The following NTRK1 variants were observed in gnomAD, a reference collection of about 807,000 sequenced individuals.
NTRK1 encodes the protein high affinity nerve growth factor receptor.
Under a neutral mutation model 86.8 loss-of-function variants are expected in NTRK1, and 62 were observed. That is an observed-to-expected ratio of 0.71 (90% CI 0.58 to 0.88). NTRK1 has a LOEUF of 0.88. Ranked by LOEUF, NTRK1 falls within the 40% of genes least tolerant of loss-of-function variation. The pLI is 0.00. For synonymous variants in NTRK1, 469 were observed against 456.6 expected (o/e 1.03, Z -0.35); for missense variants, 967 against 1,078.4 (o/e 0.90, Z 1.45).
chr1:156,845,558 A>C, intron 2 of NTRK1: 8 of 1,272,810 alleles, frequency 6.3e-6, no homozygotes, highest in Non-Finnish European at 8.5e-6. Context: ...CCCTCCCGCA[A>C]GACCCGCCCC....
chr1:156,851,185 G>T, intron 2 of NTRK1: 1 of 1,306,464 alleles, frequency 7.7e-7, no homozygotes, highest in South Asian at 1.2e-5. Flanking sequence ...CACACGCCTA[G>T]TGAGTAGCAA....
intron 2 of NTRK1, chr1:156,849,269 C>T (rs1484312359): frequency 6.2e-7 from 1 of 1,613,830 alleles, no homozygotes; most frequent in Non-Finnish European, 8.5e-7. Flanking sequence ...TCCGTTGGTG[C>T]GGGGGTTGAT....
intron 3 of NTRK1, among the ~76,000 whole-genome samples, chr1:156,865,858 C>T (rs1345340762): frequency 6.6e-6 from 1 of 152,196 alleles, no homozygotes; most frequent in Non-Finnish European, 1.5e-5. Flanking sequence ...ATGCAGGGTC[C>T]TCTAAACTCT....
chr1:156,869,374 G>A (rs898547370), intron 6 of NTRK1, among the ~76,000 whole-genome samples: 1 of 151,792 alleles, frequency 6.6e-6, no homozygotes, highest in Non-Finnish European at 1.5e-5. Context: ...CACTGTGCCC[G>A]GCAGATCACT....
chr1:156,820,883 CATTTTCACAAT>C (rs1558073699), intron 1 of NTRK1, among the ~76,000 whole-genome samples: 1 of 152,138 alleles, frequency 6.6e-6, no homozygotes, highest in African/African-American at 2.4e-5. Flanking sequence ...GCAGTATGGT[CATTTTCACAAT>C]ATTGATTCTT....
At chr1:156,865,183 G>A (rs1655867523) in intron 3 of NTRK1, 1 of 299,546 alleles carries the variant, frequency 3.3e-6, no homozygotes, top group African/African-American at 2.2e-5. Context: ...AGGACATCCT[G>A]GGAGCTGGGG....
chr1:156,880,344 T>G, intron 16 of NTRK1, 187 bp downstream of exon 16: 1 of 656,476 alleles, frequency 1.5e-6, no homozygotes, highest in Non-Finnish European at 2.6e-6. Context: ...CCCTTATTCT[T>G]GCCTTCACCT....
chr1:156,860,913 G>A lies in NTRK1; in HGVS notation c.-22G>A. 2.1e-6 allele frequency: 3 copies of A among 1,431,042 alleles called. No homozygotes were observed. The highest frequency in any genetic ancestry group is 2.7e-6 in the Non-Finnish European group (3 of 1,103,716). The allele number at this position is 1,431,042 out of a possible 1,614,324, so 88.6% of individuals were successfully genotyped here. A position where few individuals can be genotyped will look rare whatever the true frequency, so the allele number is the denominator to read the frequency against. On this transcript the variant is annotated 5_prime_UTR_variant, in exon 1 of 17. Coordinates refer to ENST00000524377, the MANE Select transcript of NTRK1 (RefSeq NM_002529.4). ...GAGCGCACAGACGGCTGCCCCGCCT[G>A]AGCGAGGCGGGCGCCGCCGCGATGC...
intron 2 of NTRK1, chr1:156,843,346 A>G (rs925527010): frequency 6.3e-7 from 1 of 1,576,056 alleles, no homozygotes; most frequent in Non-Finnish European, 8.7e-7. Context: ...ATCTTCTGCA[A>G]GAAGGTCTTC....
In NTRK1 at chr1:156,871,611, T is replaced by C; in HGVS notation, c.718-12T>C. On this transcript the variant is annotated splice_polypyrimidine_tract_variant and intron_variant, in intron 6 of 16. Coordinates refer to ENST00000524377, the MANE Select transcript of NTRK1 (RefSeq NM_002529.4). ...AGCTCCTTCTTATTCCCCCCTCTCTTTCCTGATCTAGAAATCTGGGGGTCT... is the reference window on the plus strand; with the variant it reads ...AGCTCCTTCTTATTCCCCCCTCTCTCTCCTGATCTAGAAATCTGGGGGTCT... The C allele has an allele frequency of 1.2e-6, 2 of 1,614,088 alleles. No individual in the cohort carries two copies. The highest frequency in any genetic ancestry group is 1.7e-6 in the Non-Finnish European group (2 of 1,180,000).
chr1:156,873,808 G>T lies in NTRK1; in HGVS notation c.1026G>T (p.Arg342=). 6.2e-7 allele frequency: 1 copy of T among 1,612,962 alleles called. No individual in the cohort carries two copies. Among genetic ancestry groups the T allele is most frequent in the Non-Finnish European group, 8.5e-7 (1 of 1,179,586 alleles). Reference sequence around the variant, plus strand: ...AGCCGGCAGCCAATGAGACCGTGCGGCACGGGTGTCTGCGCCTCAACCAGC... The same window carrying T: ...AGCCGGCAGCCAATGAGACCGTGCGTCACGGGTGTCTGCGCCTCAACCAGC... ...FLEPAANETV[R]HGCLRLNQPT... is the part of the protein sequence containing the mutation. The change falls in exon 8 of 17, where the codon CGG becomes CGT. Residue 342 remains arginine, a synonymous_variant. Transcript: ENST00000524377.
intron 1 of NTRK1, chr1:156,840,721 C>G (rs1654741661): frequency 3.0e-6 from 2 of 658,506 alleles, no homozygotes; most frequent in Non-Finnish European, 5.4e-6. Flanking sequence ...TCTGCCCACC[C>G]CCACAGCCTT....
chr1:156,846,569 G>C (rs780122857), intron 2 of NTRK1: 1 of 1,614,166 alleles, frequency 6.2e-7, no homozygotes, highest in South Asian at 1.1e-5. Flanking sequence ...TCCTTGATGA[G>C]GGCTGTCCTC....
At chr1:156,817,752 T>C (rs980348146) in intron 1 of NTRK1, among the ~76,000 whole-genome samples, 4 of 151,828 alleles carry the variant, frequency 2.6e-5, no homozygotes, top group Non-Finnish European at 5.9e-5. Context: ...AAGGGATTCT[T>C]GTGCCTCAGC....
At chr1:156,849,045 G>C in intron 2 of NTRK1, 1 of 1,612,820 alleles carries the variant, frequency 6.2e-7, no homozygotes, top group Non-Finnish European at 8.5e-7. Context: ...GTGCGAGTCT[G>C]GCCTGGGTGG....
Position 156,873,616 on chromosome 1 carries a change from C to G in NTRK1, c.851-17C>G, listed in dbSNP as rs2102904598. The G allele has an allele frequency of 6.2e-7, 1 of 1,608,296 alleles. No homozygotes were observed. Among genetic ancestry groups the G allele is most frequent in the Non-Finnish European group, 8.5e-7 (1 of 1,178,378 alleles). ...GCTGCGCCCTGACCTCCTGCTGTTGCTCTTTCTGGCCCACAGTCCCGGCCA... is the reference window on the plus strand; with the variant it reads ...GCTGCGCCCTGACCTCCTGCTGTTGGTCTTTCTGGCCCACAGTCCCGGCCA... On this transcript the variant is annotated splice_polypyrimidine_tract_variant and intron_variant, in intron 7 of 16. Transcript: ENST00000524377.
At chr1:156,848,964 C>T in intron 2 of NTRK1, 1 of 1,604,472 alleles carries the variant, frequency 6.2e-7, no homozygotes, top group Admixed American at 1.7e-5. Flanking sequence ...TCGCGGGCCT[C>T]CAGTGGCTCA....
chr1:156,873,308 A>T (rs767881009), intron 7 of NTRK1, among the ~76,000 whole-genome samples: 1 of 152,060 alleles, frequency 6.6e-6, no homozygotes, highest in Non-Finnish European at 1.5e-5. Flanking sequence ...CTTCTTCTAG[A>T]TTCCTTATCC....
intron 2 of NTRK1, chr1:156,851,686 CGTGCAGCCCA>C (rs1291687112): frequency 5.6e-6 from 9 of 1,614,076 alleles, no homozygotes; most frequent in Non-Finnish European, 7.6e-6. Context: ...CCTCCACATG[CGTGCAGCCCA>C]CAAGATCCTG....
Sources: gnomAD v4.1 joint callset for allele counts (sites outside exome capture counted in the v4.1 genomes callset) on GRCh38, gnomAD v4.1.1 for gene constraint, MANE v1.5 for transcripts, NCBI Gene and HGNC (gene_info 2026-07-23, HGNC 2026-07-21) for gene names.